PPM1H: variants seen among roughly 807,000 people sequenced by gnomAD.
PPM1H encodes protein phosphatase 1H.
PPM1H carries 27 observed loss-of-function variants against 54.9 expected under a neutral mutation model. That is an observed-to-expected ratio of 0.49 (90% confidence interval 0.36 to 0.68). The LOEUF (loss-of-function observed/expected upper bound fraction) is 0.68, where lower values mean the gene tolerates loss of function less well. Ranked by LOEUF, PPM1H falls within the 30% of genes least tolerant of loss-of-function variation. PPM1H has a pLI of 0.00. For synonymous variants in PPM1H, 305 were observed against 270.8 expected, an observed-to-expected ratio of 1.13 and a Z score of -1.24; for missense variants, 596 against 667.8, an observed-to-expected ratio of 0.89 and a Z score of 1.19.
chr12:62,819,170 G>A (rs1390806872), intron 2 of PPM1H, among the ~76,000 whole-genome samples: 4 of 116,144 alleles, frequency 3.4e-5, no homozygotes, highest in Admixed American at 1.0e-4. Context: ...TCACTCTGTC[G>A]CCAGGCTGGA....
chr12:62,914,528 T>A (rs1871560524), intron 1 of PPM1H, among the ~76,000 whole-genome samples: 1 of 152,152 alleles, frequency 6.6e-6, no homozygotes. Context: ...AGCAATGACT[T>A]AGCACATCTG....
chr12:62,722,073 G>A (rs1268895418), intron 5 of PPM1H, among the ~76,000 whole-genome samples: 1 of 152,006 alleles, frequency 6.6e-6, no homozygotes, highest in Non-Finnish European at 1.5e-5. Context: ...ACTAAGCACG[G>A]CACCCTCCGC....
intron 9 of PPM1H, among the ~76,000 whole-genome samples, chr12:62,656,455 A>AG (rs2075844319): frequency 6.6e-6 from 1 of 152,216 alleles, no homozygotes; most frequent in African/African-American, 2.4e-5. Flanking sequence ...TTTTGTCATA[A>AG]GTCATCTACG....
At chr12:62,843,164 A>G (rs1165700987) in intron 1 of PPM1H, among the ~76,000 whole-genome samples, 1 of 152,066 alleles carries the variant, frequency 6.6e-6, no homozygotes, top group Non-Finnish European at 1.5e-5. Context: ...AAAAATACAA[A>G]AATTAACCAG....
chr12:62,908,315 G>A (rs1181838665), intron 1 of PPM1H, among the ~76,000 whole-genome samples: 3 of 149,976 alleles, frequency 2.0e-5, no homozygotes, highest in Admixed American at 6.7e-5. Context: ...GCTGAGGCAG[G>A]AGAATCGCTT....
chr12:62,742,645 A>T (rs1292223427), intron 4 of PPM1H, among the ~76,000 whole-genome samples: 1 of 152,220 alleles, frequency 6.6e-6, no homozygotes, highest in Non-Finnish European at 1.5e-5. Context: ...AAAATTAAGA[A>T]AAAAACAAAA....
intron 1 of PPM1H, among the ~76,000 whole-genome samples, chr12:62,908,535 A>G (rs1871368613): frequency 6.6e-6 from 1 of 152,230 alleles, no homozygotes; most frequent in African/African-American, 2.4e-5. Context: ...TGCACTCTGA[A>G]TGTTATGCAA....
chr12:62,831,349 T>C (rs1477757111), intron 2 of PPM1H, among the ~76,000 whole-genome samples: 2 of 152,110 alleles, frequency 1.3e-5, no homozygotes, highest in Non-Finnish European at 2.9e-5. Flanking sequence ...AGAGTGTCAA[T>C]GACTCCCCGT....
intron 8 of PPM1H, among the ~76,000 whole-genome samples, chr12:62,686,158 C>T (rs1040785369): frequency 3.3e-5 from 5 of 152,202 alleles, no homozygotes; most frequent in African/African-American, 4.8e-5. Context: ...GGATTCTTAC[C>T]GAGTTCTCAG....
At chr12:62,680,437 C>T (rs1308572801) in intron 8 of PPM1H, among the ~76,000 whole-genome samples, 3 of 152,136 alleles carry the variant, frequency 2.0e-5, no homozygotes, top group East Asian at 3.9e-4. Flanking sequence ...CCTACCTTAG[C>T]CTCCAAGTAG....
intron 6 of PPM1H, among the ~76,000 whole-genome samples, chr12:62,696,953 C>A (rs958686248): frequency 6.6e-6 from 1 of 152,134 alleles, no homozygotes. Flanking sequence ...CCACTCTCTT[C>A]GGGTGACCAG....
chr12:62,800,213 C>A (rs2076758552), intron 3 of PPM1H, among the ~76,000 whole-genome samples: 1 of 152,192 alleles, frequency 6.6e-6, no homozygotes, highest in African/African-American at 2.4e-5. Flanking sequence ...TAGCACACTA[C>A]CTGATGCCGT....
intron 4 of PPM1H, among the ~76,000 whole-genome samples, chr12:62,762,594 G>C (rs1394394909): frequency 6.6e-6 from 1 of 152,218 alleles, no homozygotes; most frequent in Non-Finnish European, 1.5e-5. Context: ...GGGTGCTAGG[G>C]GGAGGATGCT....
chr12:62,857,215 A>G (rs948186580), intron 1 of PPM1H, among the ~76,000 whole-genome samples: 7 of 131,548 alleles, frequency 5.3e-5, no homozygotes, highest in Admixed American at 4.8e-4. Context: ...ACAGCACTCA[A>G]ATATTTTAAC....
Position 62,932,628 on chromosome 12 carries a change from C to CTTTTTTTTTTTTTTTTTTTTTTTTTTTTT in PPM1H, c.245+1863_245+1864insAAAAAAAAAAAAAAAAAAAAAAAAAAAAA, listed in dbSNP as rs61003358. Among the ~76,000 whole-genome samples, 4 of 54,006 alleles carry CTTTTTTTTTTTTTTTTTTTTTTTTTTTTT rather than the reference C, an allele frequency of 7.4e-5. 2 individuals carry two copies. The highest frequency in any genetic ancestry group is 1.4e-4 in the African/African-American group (2 of 14,348). 35.4% of individuals were successfully genotyped at this position (54,006 alleles called of 152,430 possible). On this transcript the variant is annotated intron_variant, in intron 1 of 9. Coordinates refer to ENST00000228705, the MANE Select transcript of PPM1H (RefSeq NM_020700.2). ...CTGTCTCGTAAAGGGTCCAAATGGGCTTTTTTTTTTTTTTTTTTTTTTTGA... is the reference window on the plus strand; with the variant it reads ...CTGTCTCGTAAAGGGTCCAAATGGGCTTTTTTTTTTTTTTTTTTTTTTTTTTTTTTTTTTTTTTTTTTTTTTTTTTTTGA...
chr12:62,904,841 T>G (rs1020942760), intron 1 of PPM1H, among the ~76,000 whole-genome samples: 6 of 152,318 alleles, frequency 3.9e-5, no homozygotes, highest in African/African-American at 1.4e-4. Flanking sequence ...GTATATGAAA[T>G]ATTAATTTCT....
chr12:62,748,239 T>C (rs1258921651), intron 4 of PPM1H, among the ~76,000 whole-genome samples: 1 of 147,390 alleles, frequency 6.8e-6, no homozygotes, highest in African/African-American at 2.5e-5. Context: ...CGAGACTCCG[T>C]CTCAAAAAAA....
At chr12:62,704,262 C>A (rs150896825) in intron 6 of PPM1H, among the ~76,000 whole-genome samples, 1 of 152,062 alleles carries the variant, frequency 6.6e-6, no homozygotes, top group Admixed American at 6.6e-5. Flanking sequence ...GAAGAGGCTG[C>A]GAAACACCCT....
intron 5 of PPM1H, among the ~76,000 whole-genome samples, chr12:62,724,731 C>G (rs1230783938): frequency 6.6e-6 from 1 of 152,150 alleles, no homozygotes; most frequent in African/African-American, 2.4e-5. Flanking sequence ...AGAAAAAAAG[C>G]AGCCAATTAA....
Sources: gnomAD v4.1 joint callset for allele counts (sites outside exome capture counted in the v4.1 genomes callset) on GRCh38, gnomAD v4.1.1 for gene constraint, MANE v1.5 for transcripts, NCBI Gene and HGNC (gene_info 2026-07-23, HGNC 2026-07-21) for gene names.